NAALADL2: variants seen among roughly 807,000 people sequenced by gnomAD.
NAALADL2 encodes the protein inactive N-acetylated-alpha-linked acidic dipeptidase-like protein 2.
In NAALADL2, 76 loss-of-function variants were observed where a neutral mutation model predicts 87.2. The ratio of observed to expected loss-of-function variants is 0.87; its 90% CI spans 0.72 to 1.05. The LOEUF (loss-of-function observed/expected upper bound fraction) is 1.05, where lower values mean the gene tolerates loss of function less well. Among genes scored for constraint, NAALADL2 ranks in the 50% least tolerant of loss-of-function variants. The probability of loss-of-function intolerance (pLI) is 0.00; values close to 1 mark genes in which losing one functional copy is unlikely to be tolerated. For missense variants in NAALADL2, 1,089 were observed against 945.8 expected (o/e 1.15, Z -1.99); for synonymous variants, 354 against 331.0 (o/e 1.07, Z -0.75).
At chr3:174,931,676 G>A (rs1208365474) in intron 1 of NAALADL2, among the ~76,000 whole-genome samples, 2 of 152,122 alleles carry the variant, frequency 1.3e-5, no homozygotes, top group Non-Finnish European at 2.9e-5. Flanking sequence ...CAAGTTTGCT[G>A]GGTTGTAAGA....
At chr3:174,714,769 C>T (rs1440669205) in intron 2 of NAALADL2, among the ~76,000 whole-genome samples, 8 of 152,138 alleles carry the variant, frequency 5.3e-5, no homozygotes, top group Non-Finnish European at 1.2e-4. Context: ...TTCCTCTTTT[C>T]CTAATTGAAT....
chr3:175,303,601 T>A (rs1317536518), intron 4 of NAALADL2, among the ~76,000 whole-genome samples: 1 of 152,210 alleles, frequency 6.6e-6, no homozygotes, highest in Non-Finnish European at 1.5e-5. Context: ...AGATTTTGTA[T>A]AAAAATTCAG....
chr3:174,842,841 T>C (rs1273139407), intron 3 of NAALADL2, among the ~76,000 whole-genome samples: 1 of 152,116 alleles, frequency 6.6e-6, no homozygotes, highest in Non-Finnish European at 1.5e-5. Flanking sequence ...GCTCCTTGGC[T>C]TATTTACTTA....
At chr3:174,877,613 T>C (rs1459755002) in intron 1 of NAALADL2, among the ~76,000 whole-genome samples, 1 of 152,108 alleles carries the variant, frequency 6.6e-6, no homozygotes, top group African/African-American at 2.4e-5. Flanking sequence ...CACTCAGTAT[T>C]AAAAATACAG....
At chr3:175,078,084 G>T (rs1311790163) in intron 1 of NAALADL2, among the ~76,000 whole-genome samples, 5 of 151,418 alleles carry the variant, frequency 3.3e-5, no homozygotes, top group African/African-American at 1.2e-4. Context: ...GTGTGCAGTG[G>T]CATAATCTCT....
chr3:174,550,381 A>G (rs1711976644), intron 1 of NAALADL2, among the ~76,000 whole-genome samples: 1 of 151,984 alleles, frequency 6.6e-6, no homozygotes, highest in Non-Finnish European at 1.5e-5. Flanking sequence ...TTTTTAAGTA[A>G]AGTCATTTTT....
intron 2 of NAALADL2, among the ~76,000 whole-genome samples, chr3:174,635,461 CT>C (rs1722534190): frequency 6.6e-6 from 1 of 150,550 alleles, no homozygotes; most frequent in African/African-American, 2.4e-5. Context: ...ATTTGAAACA[CT>C]GTTACATTTT....
At chr3:175,794,313 T>C (rs770623879) in intron 13 of NAALADL2, among the ~76,000 whole-genome samples, 10 of 151,408 alleles carry the variant, frequency 6.6e-5, no homozygotes, top group Non-Finnish European at 1.2e-4. Context: ...AGTTCATACA[T>C]AGAGATAAGA....
intron 1 of NAALADL2, among the ~76,000 whole-genome samples, chr3:174,882,544 C>T (rs1488164319): frequency 7.0e-6 from 1 of 141,900 alleles, no homozygotes; most frequent in Non-Finnish European, 1.5e-5. Flanking sequence ...TGCATACACA[C>T]ATATGTACAT....
chr3:174,729,477 T>A (rs1422091728), intron 2 of NAALADL2, among the ~76,000 whole-genome samples: 1 of 152,030 alleles, frequency 6.6e-6, no homozygotes, highest in African/African-American at 2.4e-5. Context: ...ATGAATACAA[T>A]TAACCTACAT....
rs138532646 is a variant in NAALADL2, at chr3:175,206,796, A to T, written c.546-27135A>T. Among the ~76,000 whole-genome samples the T allele has an allele frequency of 5.9e-3, 896 of 152,252 alleles. 7 individuals carry two copies. The highest frequency in any genetic ancestry group is 6.8e-3 in the Non-Finnish European group (464 of 67,984). ...AGAGTAGAGGGGTAGAGCCACTGAC[A>T]CTTTTTCTGGCTTAGGTCTGCTAAT... is the stretch of plus-strand genomic sequence containing the variant. On this transcript the variant is annotated intron_variant, in intron 2 of 13. Transcript: ENST00000454872.
At chr3:175,417,756 A>G (rs953277492) in intron 5 of NAALADL2, among the ~76,000 whole-genome samples, 1 of 152,160 alleles carries the variant, frequency 6.6e-6, no homozygotes, top group African/African-American at 2.4e-5. Flanking sequence ...TTAGTGTGTA[A>G]CACATATTTA....
chr3:174,677,451 TTG>T (rs1727141308), intron 2 of NAALADL2, among the ~76,000 whole-genome samples: 1 of 152,112 alleles, frequency 6.6e-6, no homozygotes. Context: ...TTTTTTCATT[TTG>T]TGTTTCTAAT....
At chr3:175,683,784 TG>T in intron 11 of NAALADL2, among the ~76,000 whole-genome samples, 1 of 152,158 alleles carries the variant, frequency 6.6e-6, no homozygotes, top group South Asian at 2.1e-4. Flanking sequence ...ATATATAAGG[TG>T]GTAGTCTTTT....
chr3:175,344,652 A>T (rs1011075624), intron 5 of NAALADL2, among the ~76,000 whole-genome samples: 1 of 152,092 alleles, frequency 6.6e-6, no homozygotes, highest in South Asian at 2.1e-4. Context: ...GTGAAAATAA[A>T]TGAAAGCACT....
chr3:175,137,712 G>A (rs1394704831), intron 2 of NAALADL2, among the ~76,000 whole-genome samples: 2 of 150,496 alleles, frequency 1.3e-5, no homozygotes, highest in Admixed American at 1.3e-4. Flanking sequence ...TGATTCTCCT[G>A]CCTCAGACTC....
chr3:175,133,708 C>G (rs62287726), intron 2 of NAALADL2, among the ~76,000 whole-genome samples: 1 of 151,954 alleles, frequency 6.6e-6, no homozygotes, highest in Admixed American at 6.5e-5. Flanking sequence ...AGAGGGAGAC[C>G]GTGGAAAGAG....
At chr3:175,421,846 T>G (rs1715757740) in intron 5 of NAALADL2, among the ~76,000 whole-genome samples, 1 of 152,056 alleles carries the variant, frequency 6.6e-6, no homozygotes. Flanking sequence ...AAGATAACAT[T>G]AAGAAAGACA....
chr3:174,617,730 G>C (rs1720599717), intron 2 of NAALADL2, among the ~76,000 whole-genome samples: 1 of 151,694 alleles, frequency 6.6e-6, no homozygotes, highest in Non-Finnish European at 1.5e-5. Flanking sequence ...TGCATAAAAT[G>C]GTGCTGATTT....
Sources: allele counts gnomAD v4.1 joint callset (sites outside exome capture counted in the v4.1 genomes callset), GRCh38; gene constraint gnomAD v4.1.1; transcripts MANE v1.5; gene names NCBI Gene and HGNC (gene_info 2026-07-23, HGNC 2026-07-21).